GNAS: variants seen among roughly 807,000 people sequenced by gnomAD.
The protein encoded by GNAS is GNAS complex locus.
A neutral mutation model predicts 54.5 loss-of-function variants in GNAS; 8 were observed. The observed-to-expected ratio is 0.15, with a 90% CI of 0.09 to 0.26. The LOEUF is 0.26. GNAS is among the 10% of genes least tolerant of loss of function. The pLI is 1.00. For missense variants in GNAS, 170 were observed against 529.8 expected (o/e 0.32, Z 6.67); for synonymous variants, 204 against 191.4 (o/e 1.07, Z -0.54).
chr20:58,893,984 G>A (rs920030161), intron 1 of GNAS, among the ~76,000 whole-genome samples: 1 of 152,182 alleles, frequency 6.6e-6, no homozygotes, highest in South Asian at 2.1e-4. Flanking sequence ...ATTGCCTCTG[G>A]CCTAGGAATC....
intron 5 of GNAS, among the ~76,000 whole-genome samples, chr20:58,904,437 C>T (rs185441305): frequency 2.1e-4 from 32 of 152,288 alleles, no homozygotes; most frequent in Admixed American, 1.3e-3. Context: ...TCTGGATGCA[C>T]GACACTGTTG....
chr20:58,839,750 T>C, upstream of GNAS: 1 of 522,546 alleles, frequency 1.9e-6, no homozygotes, highest in Non-Finnish European at 3.3e-6. Context: ...CTCGCCTCAG[T>C]CTCCTCTGTC....
intron 1 of GNAS, among the ~76,000 whole-genome samples, chr20:58,880,083 T>C (rs1001675684): frequency 5.3e-5 from 8 of 152,082 alleles, no homozygotes; most frequent in Non-Finnish European, 1.0e-4. Context: ...CAGTTTAGAC[T>C]CTCTTGGCTG....
chr20:58,882,320 G>A (rs2145799033), intron 1 of GNAS, among the ~76,000 whole-genome samples: 1 of 152,252 alleles, frequency 6.6e-6, no homozygotes, highest in South Asian at 2.1e-4. Flanking sequence ...GCCTCCCAAA[G>A]TGCTGGCGTG....
Position 58,910,438 on chromosome 20 carries a change from C to T in GNAS, c.1038+37C>T. 3 of 1,476,974 alleles carry T rather than the reference C, an allele frequency of 2.0e-6. No homozygotes were observed. The highest frequency in any genetic ancestry group is 1.1e-5 in the South Asian group (1 of 88,310). The allele number at this position is 1,476,974 out of a possible 1,614,324, so 91.5% of individuals were successfully genotyped here. Reference sequence around the variant, plus strand: ...CTGTCTTTAGTTTCCTCTCTTGTTCCTCCTCTTTTTCTCATGGATGTAAAT... The same window carrying T: ...CTGTCTTTAGTTTCCTCTCTTGTTCTTCCTCTTTTTCTCATGGATGTAAAT... On this transcript the variant is annotated intron_variant, in intron 12 of 12. Transcript: ENST00000371085. The surrounding 1 kb of genome is among the most constrained non-coding windows in gnomAD (Gnocchi z 5.8).
chr20:58,892,179 C>T, intron 1 of GNAS: 3 of 973,706 alleles, frequency 3.1e-6, no homozygotes, highest in Non-Finnish European at 3.7e-6. Context: ...CTCTCTTTTT[C>T]CGCGAGGCCT....
chr20:58,899,316 C>T (rs1375206936), intron 3 of GNAS, among the ~76,000 whole-genome samples: 1 of 152,170 alleles, frequency 6.6e-6, no homozygotes, highest in African/African-American at 2.4e-5. Flanking sequence ...TCCATTTGAA[C>T]CAGCTGCTTG....
rs536204763 is a variant in GNAS at position 58,855,528 on chromosome 20, G to A, written c.43+14642G>A. 7 of 724,694 alleles carry A rather than the reference G, an allele frequency of 9.7e-6. 1 individual carries two copies. Among genetic ancestry groups the A allele is most frequent in the South Asian group, 8.9e-5 (6 of 67,696 alleles). 44.9% of individuals were successfully genotyped at this position (724,694 alleles called of 1,614,324 possible). ...GCGGGAGGGGATCTTTGGTGGATTCGGGTGGCCGAAGTATATGCCCTCCAG... is the reference window on the plus strand; with the variant it reads ...GCGGGAGGGGATCTTTGGTGGATTCAGGTGGCCGAAGTATATGCCCTCCAG... On this transcript the variant is annotated intron_variant, in intron 1 of 12. Coordinates refer to the GNAS transcript ENST00000306090.
At chr20:58,870,426 C>T (rs1350947713) in intron 1 of GNAS, among the ~76,000 whole-genome samples, 1 of 152,228 alleles carries the variant, frequency 6.6e-6, no homozygotes, top group Non-Finnish European at 1.5e-5. Context: ...CTGCCTCTTT[C>T]CAACCTTTCC....
In GNAS at chr20:58,909,934, G is replaced by T. The variant is rs754265770; in HGVS notation, c.840-17G>T. 1 of 1,614,018 alleles carries T rather than the reference G, an allele frequency of 6.2e-7. No homozygotes were observed. Among genetic ancestry groups the T allele is most frequent in the South Asian group, 1.1e-5 (1 of 91,062 alleles). On this transcript the variant is annotated splice_polypyrimidine_tract_variant and intron_variant, in intron 10 of 12. Coordinates refer to ENST00000371085, the MANE Select transcript of GNAS (RefSeq NM_000516.7). The surrounding 1 kb of genome is among the most constrained non-coding windows in gnomAD (Gnocchi z 7.3). ...GCGCGCTTCTCCCAAGCATTCACAC[G>T]GCCTCCCTTCTTGTAGATGGCTGCG...
At chr20:58,892,107 G>A in intron 1 of GNAS, 1 of 968,788 alleles carries the variant, frequency 1.0e-6, no homozygotes. Context: ...CCCCTCCCCC[G>A]GCCTGCCCGC....
At position 58,908,913 on chromosome 20, in the gene GNAS, G is replaced by T. The variant is rs920789182; in HGVS notation, c.531-249G>T. The T allele has an allele frequency of 2.7e-5, 16 of 596,076 alleles. No homozygotes were observed. The African/African-American group carries it at 2.8e-4, about 10-fold the overall frequency. 36.9% of individuals were successfully genotyped at this position (596,076 alleles called of 1,614,324 possible). On this transcript the variant is annotated intron_variant, in intron 6 of 12. Transcript: ENST00000371085. ...ACTGCGTCGAGGCCACAGGCTAGCT[G>T]CTAGACGCATCTAGAGTTCCCTGAT... is the stretch of plus-strand genomic sequence containing the variant.
At chr20:58,896,655 AAAAAAC>A (rs1345621003) in intron 2 of GNAS, among the ~76,000 whole-genome samples, 3 of 152,256 alleles carry the variant, frequency 2.0e-5, no homozygotes, top group Non-Finnish European at 4.4e-5. Flanking sequence ...AAACAAAACA[AAAAAAC>A]TAAGTTGACC....
chr20:58,854,153 G>A (rs1392004008), intron 1 of GNAS: 3 of 1,612,384 alleles, frequency 1.9e-6, no homozygotes, highest in African/African-American at 1.3e-5. Context: ...CTAACTTCAC[G>A]GGCAGCAGCC....
intron 1 of GNAS, chr20:58,892,207 T>G: frequency 1.0e-6 from 1 of 975,216 alleles, no homozygotes; most frequent in Non-Finnish European, 1.2e-6. Context: ...GCCAGGGGTT[T>G]GGGTGCGTGT....
intron 6 of GNAS, among the ~76,000 whole-genome samples, chr20:58,908,376 C>G (rs1233859017): frequency 6.6e-6 from 1 of 152,100 alleles, no homozygotes; most frequent in East Asian, 1.9e-4. Context: ...ATGGACCAAA[C>G]AGAACGGAAG....
intron 1 of GNAS, among the ~76,000 whole-genome samples, chr20:58,878,747 T>C (rs1352853677): frequency 6.6e-6 from 1 of 152,086 alleles, no homozygotes; most frequent in Non-Finnish European, 1.5e-5. Flanking sequence ...TGAAAATGCA[T>C]TTTCCCCCTA....
intron 1 of GNAS, among the ~76,000 whole-genome samples, chr20:58,849,082 C>G (rs2086050627): frequency 6.6e-6 from 1 of 152,032 alleles, no homozygotes. Context: ...GGAGATTTTG[C>G]CCCCCAGAGG....
At position 58,853,634 on chromosome 20, in the gene GNAS, C is replaced by T; in HGVS notation, c.43+12748C>T. 1.9e-6 allele frequency: 3 copies of T among 1,613,468 alleles called. No individual in the cohort carries two copies. The highest frequency in any genetic ancestry group is 1.1e-5 in the South Asian group (1 of 91,084). On this transcript the variant is annotated intron_variant, in intron 1 of 12. Transcript: ENST00000306090. The surrounding 1 kb of genome is among the most constrained non-coding windows in gnomAD (Gnocchi z 4.4). ...GGCCTACACTGGAGCAGCCTGGATTCCCCAGTGGGGTCCATGCAGGCCTTG... is the reference window on the plus strand; with the variant it reads ...GGCCTACACTGGAGCAGCCTGGATTTCCCAGTGGGGTCCATGCAGGCCTTG...
Sources: allele counts gnomAD v4.1 joint callset (sites outside exome capture counted in the v4.1 genomes callset), GRCh38; gene constraint gnomAD v4.1.1; non-coding constraint Gnocchi (gnomAD v3.1); transcripts MANE v1.5; gene names NCBI Gene and HGNC (gene_info 2026-07-23, HGNC 2026-07-21).